The following CCP110 variants were observed in gnomAD, a reference collection of about 807,000 sequenced individuals.
The protein encoded by CCP110 is centriolar coiled-coil protein 110.
Under a neutral mutation model 105.5 loss-of-function variants are expected in CCP110, and 43 were observed. That is an observed-to-expected ratio of 0.41 (90% confidence interval 0.32 to 0.53). The LOEUF (loss-of-function observed/expected upper bound fraction) is 0.53, where lower values mean the gene tolerates loss of function less well. CCP110 is among the 20% of genes least tolerant of loss of function. The pLI, the probability that CCP110 is intolerant of heterozygous loss-of-function variation, is 0.32. For missense variants in CCP110, 1,016 were observed against 1,189.1 expected, an observed-to-expected ratio of 0.85 and a Z score of 2.14; for synonymous variants, 353 against 392.1, an observed-to-expected ratio of 0.90 and a Z score of 1.18.
At chr16:19,540,847 A>C in intron 5 of CCP110, 60 bp downstream of exon 5, 1 of 1,544,970 alleles carries the variant, frequency 6.5e-7, no homozygotes, top group Non-Finnish European at 8.8e-7. Flanking sequence ...ATACCTATGA[A>C]TTTTGGTCAT....
exon 4 of CCP110, chr16:19,536,708 T>A (rs11645625): frequency 0.035 from 56,061 of 1,614,138 alleles, 1,164 homozygotes; most frequent in Non-Finnish European, 0.041. Context: ...TATTCCCACT[T>A]TTGTTACCGA....
rs1969902332 is a variant in CCP110, at chr16:19,532,412, G to A, written c.142-4G>A. On this transcript the variant is annotated splice_polypyrimidine_tract_variant and splice_region_variant and intron_variant, in intron 2 of 14. Transcript: ENST00000381396. ...AATAATTACATTTTTATGATGTTTT[G>A]CAGCTTAACATTGAGAAAAGAAAGG... 1 of 1,576,544 alleles carries A rather than the reference G, an allele frequency of 6.3e-7. No homozygotes were observed. The highest frequency in any genetic ancestry group is 8.6e-7 in the Non-Finnish European group (1 of 1,167,232).
In CCP110 at chr16:19,544,118, C is replaced by T. The variant is rs148334422; in HGVS notation, c.2485-679C>T. On this transcript the variant is annotated intron_variant, in intron 8 of 14. Transcript: ENST00000381396. ...CATGGTCCTACCAATATGTGATGTC[C>T]CCCTCGGACGCCCAGCAGTAAAATT... is the stretch of plus-strand genomic sequence containing the variant. Among the ~76,000 whole-genome samples the T allele has an allele frequency of 3.2e-3, 484 of 152,194 alleles. 2 individuals are homozygous for T. The highest frequency in any genetic ancestry group is 0.011 in the African/African-American group (458 of 41,524).
intron 2 of CCP110, among the ~76,000 whole-genome samples, chr16:19,530,358 T>G (rs1597251405): frequency 6.6e-6 from 1 of 152,014 alleles, no homozygotes; most frequent in African/African-American, 2.4e-5. Flanking sequence ...TGAAGTTTGA[T>G]AAACAGGTTA....
exon 4 of CCP110, chr16:19,536,927 A>T: frequency 6.2e-7 from 1 of 1,614,206 alleles, no homozygotes; most frequent in Non-Finnish European, 8.5e-7. Context: ...TGAAAACACA[A>T]ATGTGCCCGA....
exon 15 of CCP110, chr16:19,551,493 C>G (rs906690089): frequency 2.0e-6 from 1 of 497,616 alleles, no homozygotes; most frequent in African/African-American, 2.0e-5. Flanking sequence ...CTGTGCTTAC[C>G]TATACAAACA....
chr16:19,550,927 G>C (rs1451849050), intron 14 of CCP110, among the ~76,000 whole-genome samples: 1 of 152,136 alleles, frequency 6.6e-6, no homozygotes, highest in East Asian at 1.9e-4. Flanking sequence ...ATGCAAAATG[G>C]TTAAGTAAAA....
At chr16:19,542,981 G>A (rs772276382) in exon 8 of CCP110, 13 of 1,567,372 alleles carry the variant, frequency 8.3e-6, no homozygotes, top group South Asian at 3.4e-5. Flanking sequence ...AAGCAACTTC[G>A]ACAAACTGTA....
chr16:19,531,656 T>C (rs1235429683), intron 2 of CCP110, among the ~76,000 whole-genome samples: 3 of 152,202 alleles, frequency 2.0e-5, no homozygotes, highest in Non-Finnish European at 4.4e-5. Flanking sequence ...TAGAATCCAG[T>C]TGATCCAGTG....
chr16:19,533,399 T>C (rs1336911735), intron 3 of CCP110, among the ~76,000 whole-genome samples: 1 of 152,102 alleles, frequency 6.6e-6, no homozygotes, highest in Non-Finnish European at 1.5e-5. Flanking sequence ...CTGTGGCTTA[T>C]GCTTTTCCAG....
At position 19,541,996 on chromosome 16, in the gene CCP110, ACT is replaced by A. The variant is rs778656844; in HGVS notation, c.2162_2163del (p.Ser721Ter). On this transcript the variant is annotated frameshift_variant, in exon 6 of 15. Coordinates refer to ENST00000381396, the Ensembl canonical transcript of CCP110. LOFTEE classifies it high-confidence loss of function. The stretch of plus-strand genomic sequence containing the variant: ...GAATTAGAATGGAGAAAAATAAGTG[ACT>A]CTAGTTTGCTGGAAACAATGCTGTC... The A allele has an allele frequency of 1.2e-6, 2 of 1,612,134 alleles. No homozygotes were observed. The highest frequency in any genetic ancestry group is 2.2e-5 in the East Asian group (1 of 44,826).
chr16:19,548,481 C>A lies in CCP110; in HGVS notation c.2901-34C>A. ...AATTTTGAACATTTAGACCTTAATGCCAGTGACTTATTAATTTTTTTATAT... is the reference window on the plus strand; with the variant it reads ...AATTTTGAACATTTAGACCTTAATGACAGTGACTTATTAATTTTTTTATAT... On this transcript the variant is annotated intron_variant, in intron 13 of 14. Coordinates refer to ENST00000381396, the Ensembl canonical transcript of CCP110. The surrounding 1 kb of genome is among the most constrained non-coding windows in gnomAD (Gnocchi z 4.1). The A allele has an allele frequency of 7.6e-7, 1 of 1,317,816 alleles. No homozygotes were observed. The highest frequency in any genetic ancestry group is 1.1e-6 in the Non-Finnish European group (1 of 948,352). 81.6% of individuals were successfully genotyped at this position (1,317,816 alleles called of 1,614,324 possible). A position where few individuals can be genotyped will look rare whatever the true frequency, so the allele number is the denominator to read the frequency against.
chr16:19,537,606 G>A lies in CCP110; in HGVS notation c.1918+19G>A, dbSNP rs200967711. The A allele has an allele frequency of 2.3e-5, 31 of 1,335,864 alleles. No individual in the cohort carries two copies. The East Asian group carries it at 3.9e-4, about 17-fold the overall frequency. The allele number at this position is 1,335,864 out of a possible 1,614,324, so 82.8% of individuals were successfully genotyped here. On this transcript the variant is annotated intron_variant, in intron 4 of 14. Transcript: ENST00000381396. ...TCCAAAGGTAAGGAATCTTTGAAGC[G>A]TTTGATACCTTCTATGCAGATACCT...
rs769808034 is a variant in CCP110, at chr16:19,543,000, A to C, written c.2484+6A>C. The C allele has an allele frequency of 7.1e-7, 1 of 1,417,430 alleles. No homozygotes were observed. The highest frequency in any genetic ancestry group is 1.2e-5 in the South Asian group (1 of 85,904). 87.8% of individuals were successfully genotyped at this position (1,417,430 alleles called of 1,614,324 possible). On this transcript the variant is annotated splice_donor_region_variant and intron_variant, in intron 8 of 14. Coordinates refer to ENST00000381396, the Ensembl canonical transcript of CCP110. ...AACTTCGACAAACTGTAAAAGTAAG[A>C]TTCCTGTAAATCGTTTGTATTTCAC...
rs749284848 is a variant in CCP110, at chr16:19,536,384, A to G, written c.715A>G (p.Ile239Val). 1.7e-5 allele frequency: 28 copies of G among 1,612,690 alleles called. No homozygotes were observed. The highest frequency in any genetic ancestry group is 1.6e-4 in the Middle Eastern group (1 of 6,082). ...TCTGATGAAAAAGTCAAAGGAATAT[A>G]TAGAAAGAGAACAATCTAGACGCAG... The change falls in exon 4 of 15, where the codon ATA becomes GTA. Residue 239 changes from isoleucine to valine, a missense_variant. Coordinates refer to ENST00000381396, the Ensembl canonical transcript of CCP110.
intron 2 of CCP110, among the ~76,000 whole-genome samples, chr16:19,528,327 A>G (rs1969746408): frequency 6.6e-6 from 1 of 152,252 alleles, no homozygotes; most frequent in Non-Finnish European, 1.5e-5. Context: ...TTGGGTCAGC[A>G]GTTCCATTTT....
intron 12 of CCP110, chr16:19,546,679 G>C: frequency 2.6e-6 from 1 of 391,070 alleles, no homozygotes; most frequent in Admixed American, 4.2e-5. Flanking sequence ...GCTGGGTGTG[G>C]TGGCACATGC....
Position 19,542,069 on chromosome 16 carries a change from A to G in CCP110, c.2227+5A>G, listed in dbSNP as rs1390618633. The G allele has an allele frequency of 6.5e-7, 1 of 1,543,838 alleles. No individual in the cohort carries two copies. The highest frequency in any genetic ancestry group is 1.4e-5 in the African/African-American group (1 of 71,926). ...CTTCAAATTCAAATAGTTCTGGTAA[A>G]TATTTAAAAATCCTTTTACATTTGG... On this transcript the variant is annotated splice_donor_5th_base_variant and intron_variant, in intron 6 of 14. Transcript: ENST00000381396.
At chr16:19,530,895 G>A (rs1048937456) in intron 2 of CCP110, among the ~76,000 whole-genome samples, 2 of 151,868 alleles carry the variant, frequency 1.3e-5, no homozygotes, top group East Asian at 1.9e-4. Context: ...GATCGGGATC[G>A]CACCACTGTA....
Sources: gnomAD v4.1 joint callset for allele counts (sites outside exome capture counted in the v4.1 genomes callset) on GRCh38, gnomAD v4.1.1 for gene constraint, Gnocchi (gnomAD v3.1) non-coding constraint, MANE v1.5 for transcripts, NCBI Gene and HGNC (gene_info 2026-07-23, HGNC 2026-07-21) for gene names.